MAP4K5: variants seen among roughly 807,000 people sequenced by gnomAD.
MAP4K5 encodes the protein MAPK/ERK kinase kinase kinase 5.
A neutral mutation model predicts 135.6 loss-of-function variants in MAP4K5; 82 were observed. The ratio of observed to expected loss-of-function variants is 0.60; its 90% CI spans 0.51 to 0.73. The LOEUF (loss-of-function observed/expected upper bound fraction) is 0.73. Ranked by LOEUF, MAP4K5 falls within the 30% of genes least tolerant of loss-of-function variation. The pLI, the probability that MAP4K5 is intolerant of heterozygous loss-of-function variation, is 0.00. For synonymous variants in MAP4K5, 347 were observed against 335.0 expected (o/e 1.04, Z -0.39); for missense variants, 907 against 1,010.9 (o/e 0.90, Z 1.39).
chr14:50,537,439 A>G (rs2038508612), upstream of MAP4K5, among the ~76,000 whole-genome samples: 1 of 152,188 alleles, frequency 6.6e-6, no homozygotes, highest in South Asian at 2.1e-4. Context: ...GTGGGGTCAG[A>G]GCCCCCAGAC....
At chr14:50,426,000 GA>G (rs1566631391) in intron 30 of MAP4K5, 23 bp from the exon 31 acceptor site, 7 of 1,441,538 alleles carry the variant, frequency 4.9e-6, no homozygotes, top group Non-Finnish European at 6.8e-6. Flanking sequence ...AGGGAGAAGT[GA>G]AACTAATATA....
At chr14:50,519,413 G>A (rs4901041) in intron 2 of MAP4K5, among the ~76,000 whole-genome samples, 101,784 of 151,896 alleles carry the variant, frequency 0.67, 35,975 homozygotes, top group Middle Eastern at 0.81. Flanking sequence ...CCAGCACTTC[G>A]GGAGGTCAAG....
At chr14:50,466,498 G>A (rs1414235184) in intron 11 of MAP4K5, 85 bp downstream of exon 11, 1 of 652,310 alleles carries the variant, frequency 1.5e-6, no homozygotes, top group Non-Finnish European at 2.7e-6. Context: ...ATGGACTTCT[G>A]TTTAATCATC....
upstream of MAP4K5, among the ~76,000 whole-genome samples, chr14:50,534,613 T>C (rs1374260255): frequency 6.6e-6 from 1 of 152,240 alleles, no homozygotes; most frequent in Non-Finnish European, 1.5e-5. Context: ...TTGCCAGTAA[T>C]GGCAGATCCA....
At chr14:50,441,783 CACACACACACACACATAT>C (rs1344651554) in intron 21 of MAP4K5, among the ~76,000 whole-genome samples, 30 of 112,922 alleles carry the variant, frequency 2.7e-4, no homozygotes, top group Middle Eastern at 9.1e-3. Flanking sequence ...CACACACACA[CACACACACACACACATAT>C]ATATACCCCC....
exon 2 of MAP4K5, chr14:50,542,564 A>G (rs2038579276): frequency 6.6e-6 from 1 of 152,246 alleles, no homozygotes; most frequent in South Asian, 2.1e-4. Context: ...AAGAGTATAC[A>G]CTGAGGTGGC....
chr14:50,543,607 A>C (rs147820197), intron 1 of MAP4K5, among the ~76,000 whole-genome samples: 132 of 152,294 alleles, frequency 8.7e-4, no homozygotes, highest in African/African-American at 2.9e-3. Context: ...GTTTGATAGG[A>C]TAGAGGAAAG....
At chr14:50,466,692 C>A (rs1442734917) in intron 10 of MAP4K5, 47 bp from the exon 11 acceptor site, 1 of 810,396 alleles carries the variant, frequency 1.2e-6, no homozygotes, top group East Asian at 2.7e-5. Context: ...ATTACTACAT[C>A]TAACAATTAG....
chr14:50,503,823 T>C lies in MAP4K5; in HGVS notation c.166+977A>G, dbSNP rs1301406799. On this transcript the variant is annotated intron_variant, in intron 3 of 32. Coordinates refer to ENST00000682126, the MANE Select transcript of MAP4K5 (RefSeq NM_006575.6). Reference sequence around the variant, plus strand: ...TGGACATAACTTGAATAACCATCCTTGAACATAATTTGAATATTTGCTCTA... The same window carrying C: ...TGGACATAACTTGAATAACCATCCTCGAACATAATTTGAATATTTGCTCTA... 2.6e-5 allele frequency among the ~76,000 whole-genome samples: 4 copies of C among 152,034 alleles called. No individual in the cohort carries two copies. In the South Asian group the frequency reaches 6.2e-4, roughly 24 times the overall value.
intron 1 of MAP4K5, among the ~76,000 whole-genome samples, chr14:50,546,116 A>G (rs1389345528): frequency 6.6e-6 from 1 of 152,226 alleles, no homozygotes; most frequent in Non-Finnish European, 1.5e-5. Context: ...TAAATGTTAG[A>G]AACTCATTTG....
intron 2 of MAP4K5, among the ~76,000 whole-genome samples, chr14:50,512,184 T>G (rs1289728417): frequency 3.3e-5 from 5 of 152,180 alleles, no homozygotes; most frequent in Non-Finnish European, 7.4e-5. Context: ...TGTGCTTTAT[T>G]ACTCTGTAAA....
At chr14:50,435,958 T>A (rs1413169862) in intron 26 of MAP4K5, among the ~76,000 whole-genome samples, 1 of 152,204 alleles carries the variant, frequency 6.6e-6, no homozygotes, top group African/African-American at 2.4e-5. Flanking sequence ...ATCACAGATC[T>A]TGGGAATCTG....
chr14:50,433,785 A>G (rs938979941), intron 28 of MAP4K5, among the ~76,000 whole-genome samples: 1 of 152,252 alleles, frequency 6.6e-6, no homozygotes, highest in African/African-American at 2.4e-5. Flanking sequence ...CAAATACACC[A>G]GCACAACAAA....
chr14:50,457,291 T>C (rs908394112), intron 13 of MAP4K5, among the ~76,000 whole-genome samples: 1 of 152,182 alleles, frequency 6.6e-6, no homozygotes, highest in African/African-American at 2.4e-5. Flanking sequence ...GGAAGTGGCA[T>C]TGCCAATGTC....
At chr14:50,458,055 T>C (rs2036629545) in intron 13 of MAP4K5, among the ~76,000 whole-genome samples, 1 of 152,170 alleles carries the variant, frequency 6.6e-6, no homozygotes, top group African/African-American at 2.4e-5. Context: ...GCTCCGACTT[T>C]GCCCACAAAC....
chr14:50,474,929 C>G, intron 9 of MAP4K5, 148 bp downstream of exon 9: 1 of 650,796 alleles, frequency 1.5e-6, no homozygotes. Context: ...CATCAAAGTT[C>G]CCTAACCCAA....
chr14:50,475,255 T>C (rs553036002), intron 8 of MAP4K5, 106 bp from the exon 9 acceptor site: 11 of 805,134 alleles, frequency 1.4e-5, no homozygotes, highest in Middle Eastern at 2.5e-4. Context: ...ATATTAATGT[T>C]AGAAAAATGC....
intron 21 of MAP4K5, among the ~76,000 whole-genome samples, chr14:50,441,929 T>C (rs1413712811): frequency 6.6e-6 from 1 of 152,094 alleles, no homozygotes; most frequent in African/African-American, 2.4e-5. Flanking sequence ...TGTTTGCTAA[T>C]TGCTAGACAC....
chr14:50,539,487 T>G (rs968230038), intron 2 of MAP4K5, among the ~76,000 whole-genome samples: 2 of 152,190 alleles, frequency 1.3e-5, no homozygotes, highest in African/African-American at 4.8e-5. Context: ...GAGGACCAAG[T>G]CCAGGGCCTG....
Sources: allele counts gnomAD v4.1 joint callset (sites outside exome capture counted in the v4.1 genomes callset), GRCh38; gene constraint gnomAD v4.1.1; transcripts MANE v1.5; gene names NCBI Gene and HGNC (gene_info 2026-07-23, HGNC 2026-07-21).